RIN3: variants seen among roughly 807,000 people sequenced by gnomAD.
The protein encoded by RIN3 is RAB5 interacting protein 3.
A neutral mutation model predicts 76.3 loss-of-function variants in RIN3; 54 were observed. The observed-to-expected ratio is 0.71, with a 90% CI of 0.57 to 0.89. The LOEUF (loss-of-function observed/expected upper bound fraction) is 0.89. Among genes scored for constraint, RIN3 ranks in the 40% least tolerant of loss-of-function variants. The probability of loss-of-function intolerance (pLI) is 0.00; values close to 1 mark genes in which losing one functional copy is unlikely to be tolerated. For synonymous variants in RIN3, 576 were observed against 564.0 expected, an observed-to-expected ratio of 1.02 and a Z score of -0.30; for missense variants, 1,256 against 1,322.1, an observed-to-expected ratio of 0.95 and a Z score of 0.78.
chr14:92,516,090 A>G (rs1896433992), intron 1 of RIN3, among the ~76,000 whole-genome samples: 1 of 152,186 alleles, frequency 6.6e-6, no homozygotes, highest in African/African-American at 2.4e-5. Flanking sequence ...ACCCCCATGC[A>G]GCCCCACCAT....
chr14:92,671,662 C>T (rs144148148), intron 7 of RIN3, among the ~76,000 whole-genome samples: 343 of 152,292 alleles, frequency 2.3e-3, no homozygotes, highest in African/African-American at 8.1e-3. Flanking sequence ...GGGCCCCCTC[C>T]CTTCCTGCCC....
chr14:92,650,627 T>C (rs990692797), intron 5 of RIN3, among the ~76,000 whole-genome samples: 3 of 152,186 alleles, frequency 2.0e-5, no homozygotes, highest in Non-Finnish European at 4.4e-5. Flanking sequence ...CTGGGACCCT[T>C]GTTTCTCTCC....
intron 2 of RIN3, chr14:92,576,473 C>T: frequency 8.4e-7 from 1 of 1,193,838 alleles, no homozygotes; most frequent in African/African-American, 1.6e-5. Context: ...AGAAGCAAGT[C>T]TTCCTGCTCA....
intron 7 of RIN3, among the ~76,000 whole-genome samples, chr14:92,672,871 G>T (rs1320201744): frequency 6.6e-6 from 1 of 152,090 alleles, no homozygotes; most frequent in African/African-American, 2.4e-5. Flanking sequence ...CTTTCTGTTT[G>T]TGGGTTTGCT....
At chr14:92,591,429 A>G (rs908374907) in intron 3 of RIN3, among the ~76,000 whole-genome samples, 2 of 152,226 alleles carry the variant, frequency 1.3e-5, no homozygotes, top group African/African-American at 2.4e-5. Context: ...ATTTGAAACA[A>G]TAATGACTGA....
chr14:92,586,122 C>G (rs10136857), intron 3 of RIN3, among the ~76,000 whole-genome samples: 3 of 152,366 alleles, frequency 2.0e-5, no homozygotes, highest in Admixed American at 1.3e-4. Flanking sequence ...ATGATGAGCA[C>G]ATCAATCGGT....
chr14:92,618,652 A>G (rs939615997), intron 4 of RIN3, among the ~76,000 whole-genome samples: 1 of 152,226 alleles, frequency 6.6e-6, no homozygotes, highest in Admixed American at 6.5e-5. Context: ...GAAAATACCA[A>G]TTGAATGAAA....
chr14:92,604,909 C>CTTTTTTTT (rs148326639), intron 3 of RIN3, among the ~76,000 whole-genome samples: 18 of 90,074 alleles, frequency 2.0e-4, no homozygotes, highest in East Asian at 3.4e-4. Context: ...CCATTTTCCT[C>CTTTTTTTT]TTTTTTTTTT....
At chr14:92,583,927 A>G (rs12879566) in intron 3 of RIN3, among the ~76,000 whole-genome samples, 27,730 of 152,088 alleles carry the variant, frequency 0.18, 2,667 homozygotes, top group East Asian at 0.27. Context: ...TCTTGCTCCT[A>G]TGAGAATCTA....
chr14:92,616,622 G>A (rs1885978689), intron 4 of RIN3, among the ~76,000 whole-genome samples: 1 of 152,134 alleles, frequency 6.6e-6, no homozygotes, highest in Non-Finnish European at 1.5e-5. Flanking sequence ...CTGGCTTGGG[G>A]TGTAGTCCCT....
intron 1 of RIN3, among the ~76,000 whole-genome samples, chr14:92,525,865 A>G (rs1274639727): frequency 6.6e-6 from 1 of 152,196 alleles, no homozygotes; most frequent in Non-Finnish European, 1.5e-5. Flanking sequence ...CTGTGGCCAC[A>G]GGGTGCAGGA....
chr14:92,608,056 C>T (rs1008478710), intron 3 of RIN3, among the ~76,000 whole-genome samples: 1 of 152,184 alleles, frequency 6.6e-6, no homozygotes, highest in Admixed American at 6.5e-5. Flanking sequence ...CACAAGGGAG[C>T]TCTGTGGTGT....
chr14:92,561,601 C>G (rs1897780381), intron 2 of RIN3, among the ~76,000 whole-genome samples: 1 of 152,130 alleles, frequency 6.6e-6, no homozygotes. Context: ...TAACATCTAG[C>G]ATTAGTGTGG....
intron 3 of RIN3, among the ~76,000 whole-genome samples, chr14:92,611,800 A>T (rs1885749154): frequency 1.3e-5 from 2 of 152,218 alleles, no homozygotes. Context: ...CATTGCTATA[A>T]AGAAAGAGAC....
In RIN3 at chr14:92,548,931, C is replaced by T. The variant is rs997244971; in HGVS notation, c.45-6820C>T. Among the ~76,000 whole-genome samples, 6 of 152,114 alleles carry T rather than the reference C, an allele frequency of 3.9e-5. No homozygotes were observed. The East Asian group carries it at 1.2e-3, about 29-fold the overall frequency. ...TGAATTAACAGGATTTGGGGGCCCACAGTGGGCACCGTATGGTGTGGACTA... is the reference window on the plus strand; with the variant it reads ...TGAATTAACAGGATTTGGGGGCCCATAGTGGGCACCGTATGGTGTGGACTA... On this transcript the variant is annotated intron_variant, in intron 1 of 9. Transcript: ENST00000216487.
intron 1 of RIN3, among the ~76,000 whole-genome samples, chr14:92,520,308 G>A (rs1896562445): frequency 6.6e-6 from 1 of 152,152 alleles, no homozygotes; most frequent in Admixed American, 6.5e-5. Flanking sequence ...AACTGAGAGA[G>A]CCCCAGAGCC....
intron 7 of RIN3, among the ~76,000 whole-genome samples, chr14:92,667,203 T>A (rs1595498561): frequency 6.6e-6 from 1 of 152,132 alleles, no homozygotes; most frequent in Non-Finnish European, 1.5e-5. Context: ...TTGATTTTTT[T>A]AAATCTGTGT....
intron 8 of RIN3, among the ~76,000 whole-genome samples, chr14:92,683,787 A>T (rs1888748289): frequency 6.6e-6 from 1 of 152,260 alleles, no homozygotes; most frequent in Non-Finnish European, 1.5e-5. Context: ...TAAAATCTTT[A>T]AAAATTGCAT....
In RIN3 at chr14:92,526,881, A is replaced by T. The variant is rs918282355; in HGVS notation, c.44+12905A>T. The stretch of plus-strand genomic sequence containing the variant: ...CTTGGAGGCCAGAAGTCTGAAATCA[A>T]GTTACAGCCATTCTCCCTCCAAAGG... On this transcript the variant is annotated intron_variant, in intron 1 of 9. Coordinates refer to ENST00000216487, the MANE Select transcript of RIN3 (RefSeq NM_024832.5). Among the ~76,000 whole-genome samples, 14 of 152,238 alleles carry T rather than the reference A, an allele frequency of 9.2e-5. No homozygotes were observed. The South Asian group carries it at 2.7e-3, about 29-fold the overall frequency.
Sources: allele counts gnomAD v4.1 joint callset (sites outside exome capture counted in the v4.1 genomes callset), GRCh38; gene constraint gnomAD v4.1.1; transcripts MANE v1.5; gene names NCBI Gene and HGNC (gene_info 2026-07-23, HGNC 2026-07-21).